Variants in PRKN observed in about 807,000 individuals in gnomAD.
The protein encoded by PRKN is parkin RBR E3 ubiquitin protein ligase.
In PRKN, 56 loss-of-function variants were observed where a neutral mutation model predicts 59.5. The ratio of observed to expected loss-of-function variants is 0.94; its 90% CI spans 0.76 to 1.18. The LOEUF (loss-of-function observed/expected upper bound fraction) is 1.18. Among genes scored for constraint, PRKN ranks in the 50% most tolerant of loss-of-function variants. The pLI, the probability that PRKN is intolerant of heterozygous loss-of-function variation, is 0.00. For synonymous variants in PRKN, 250 were observed against 222.1 expected, an observed-to-expected ratio of 1.13 and a Z score of -1.12; for missense variants, 657 against 596.4, an observed-to-expected ratio of 1.10 and a Z score of -1.06.
chr6:162,481,511 C>T (rs533648513), intron 1 of PRKN, among the ~76,000 whole-genome samples: 3 of 152,202 alleles, frequency 2.0e-5, no homozygotes, highest in African/African-American at 7.2e-5. Context: ...CAAGGGCAGG[C>T]AGATGCTATC....
intron 6 of PRKN, among the ~76,000 whole-genome samples, chr6:161,904,889 G>A (rs1025386871): frequency 6.6e-6 from 1 of 152,178 alleles, no homozygotes; most frequent in East Asian, 1.9e-4. Context: ...GGGGAGTCAG[G>A]ATAGGACTGC....
chr6:162,537,225 T>C (rs1778754904), intron 1 of PRKN, among the ~76,000 whole-genome samples: 1 of 152,118 alleles, frequency 6.6e-6, no homozygotes. Flanking sequence ...AGCTAATCAA[T>C]ACACGGAAAT....
intron 1 of PRKN, among the ~76,000 whole-genome samples, chr6:162,686,388 G>C (rs1371890504): frequency 3.9e-5 from 6 of 152,140 alleles, no homozygotes; most frequent in Non-Finnish European, 1.5e-5. Context: ...GAGGTGGGTG[G>C]TGTAACGGCT....
intron 4 of PRKN, among the ~76,000 whole-genome samples, chr6:162,067,879 T>C (rs1778403425): frequency 6.6e-6 from 1 of 152,256 alleles, no homozygotes; most frequent in African/African-American, 2.4e-5. Context: ...TATTTGTTGT[T>C]TTGTTCACTT....
intron 7 of PRKN, among the ~76,000 whole-genome samples, chr6:161,749,804 T>C (rs1788599310): frequency 6.6e-6 from 1 of 152,178 alleles, no homozygotes; most frequent in South Asian, 2.1e-4. Context: ...GTTGGAGCCA[T>C]AAATTCTCCT....
chr6:161,853,043 T>C (rs949953024), intron 6 of PRKN, among the ~76,000 whole-genome samples: 5 of 152,200 alleles, frequency 3.3e-5, no homozygotes, highest in Non-Finnish European at 7.3e-5. Flanking sequence ...CCTAAAACAA[T>C]ATATATTTGA....
rs1267313670 is a variant in PRKN, at chr6:161,348,981, C to G, written c.*1118G>C. ...AGTTTACTGTCCTAAGAGAAGGTCT[C>G]TCCTGGGGAACCCCTGGTATGCAGA... is the stretch of plus-strand genomic sequence containing the variant. On this transcript the variant is annotated 3_prime_UTR_variant, in exon 12 of 12. Coordinates refer to ENST00000366898, the MANE Select transcript of PRKN (RefSeq NM_004562.3). The surrounding 1 kb of genome is among the most constrained non-coding windows in gnomAD (Gnocchi z 4.9). 1 of 203,936 alleles carries G rather than the reference C, an allele frequency of 4.9e-6. No homozygotes were observed. Among genetic ancestry groups the G allele is most frequent in the East Asian group, 7.5e-5 (1 of 13,336 alleles). The allele number at this position is 203,936 out of a possible 1,614,324, so 12.6% of individuals were successfully genotyped here.
At chr6:162,270,136 A>G (rs1409039095) in intron 2 of PRKN, 1 of 152,334 alleles carries the variant, frequency 6.6e-6, no homozygotes, top group Admixed American at 6.5e-5. Context: ...TCCACCAATC[A>G]ATGAGTGGAT....
intron 1 of PRKN, among the ~76,000 whole-genome samples, chr6:162,540,968 T>C (rs1209554060): frequency 6.6e-6 from 1 of 152,194 alleles, no homozygotes; most frequent in Non-Finnish European, 1.5e-5. Context: ...GACATCTTAA[T>C]ACTTTTAAAT....
At position 161,463,806 on chromosome 6, in the gene PRKN, A is replaced by C. The variant is rs1318617933; in HGVS notation, c.1084-76929T>G. Among the ~76,000 whole-genome samples, 1 of 152,192 alleles carries C rather than the reference A, an allele frequency of 6.6e-6. No individual in the cohort carries two copies. Among genetic ancestry groups the C allele is most frequent in the Non-Finnish European group, 1.5e-5 (1 of 68,038 alleles). On this transcript the variant is annotated intron_variant, in intron 9 of 11. Transcript: ENST00000366898. This position sits in a 1 kb window ranked among gnomAD's most constrained non-coding sequence, Gnocchi z 4.8. ...TTTATCTAGTGATCACTTTTCCAAC[A>C]TTTCCATCCAAATTTTGGAAGCACC...
intron 6 of PRKN, among the ~76,000 whole-genome samples, chr6:161,900,930 T>A (rs866638275): frequency 1.6e-4 from 21 of 132,212 alleles, no homozygotes; most frequent in South Asian, 7.6e-4. Flanking sequence ...ATATATATAT[T>A]TTTTAGATGG....
chr6:162,347,605 AT>A (rs1339601673), intron 2 of PRKN, among the ~76,000 whole-genome samples: 1 of 152,106 alleles, frequency 6.6e-6, no homozygotes, highest in Non-Finnish European at 1.5e-5. Context: ...ACATTTATAA[AT>A]TTGTGTCAGA....
chr6:162,055,723 C>T (rs1360509808), intron 4 of PRKN, among the ~76,000 whole-genome samples: 5 of 152,154 alleles, frequency 3.3e-5, no homozygotes, highest in East Asian at 1.9e-4. Context: ...ATTTTACTAC[C>T]GACGACGTTT....
chr6:162,351,638 G>A (rs968910120), intron 2 of PRKN, among the ~76,000 whole-genome samples: 13 of 152,086 alleles, frequency 8.5e-5, no homozygotes, highest in East Asian at 3.9e-4. Context: ...ACATGTACTC[G>A]TCAAAACCTA....
At chr6:162,598,965 C>T (rs1781594240) in intron 1 of PRKN, among the ~76,000 whole-genome samples, 1 of 151,614 alleles carries the variant, frequency 6.6e-6, no homozygotes, top group Admixed American at 6.6e-5. Flanking sequence ...AATTACAGTA[C>T]GTTCAAGAAT....
intron 4 of PRKN, among the ~76,000 whole-genome samples, chr6:162,143,680 T>C (rs915570292): frequency 6.6e-5 from 10 of 152,332 alleles, no homozygotes; most frequent in African/African-American, 2.4e-4. Context: ...CAATAAAGCA[T>C]TGCACATATT....
At chr6:162,550,162 G>T (rs1417052681) in intron 1 of PRKN, among the ~76,000 whole-genome samples, 1 of 152,162 alleles carries the variant, frequency 6.6e-6, no homozygotes, top group Non-Finnish European at 1.5e-5. Flanking sequence ...AAGTAAGAAT[G>T]ATAATAATAA....
At chr6:162,278,751 C>G (rs2128105677) in intron 2 of PRKN, among the ~76,000 whole-genome samples, 1 of 152,166 alleles carries the variant, frequency 6.6e-6, no homozygotes, top group Middle Eastern at 3.4e-3. Context: ...GAAGATTGCC[C>G]TTTGCCTTTG....
At position 161,768,684 on chromosome 6, in the gene PRKN, A is replaced by G. The variant is rs146767459; in HGVS notation, c.871+17088T>C. ...TTCTTTTAGTGTAGCTCCCAATTCCATTAGAATACCGTGACCCCAATTTCA... is the reference window on the plus strand; with the variant it reads ...TTCTTTTAGTGTAGCTCCCAATTCCGTTAGAATACCGTGACCCCAATTTCA... On this transcript the variant is annotated intron_variant, in intron 7 of 11. Transcript: ENST00000366898. 3.0e-3 allele frequency among the ~76,000 whole-genome samples: 452 copies of G among 152,314 alleles called. 3 individuals are homozygous for G. Among genetic ancestry groups the G allele is most frequent in the African/African-American group, 0.01 (422 of 41,566 alleles).
Sources: allele counts gnomAD v4.1 joint callset (sites outside exome capture counted in the v4.1 genomes callset), GRCh38; gene constraint gnomAD v4.1.1; non-coding constraint Gnocchi (gnomAD v3.1); transcripts MANE v1.5; gene names NCBI Gene and HGNC (gene_info 2026-07-23, HGNC 2026-07-21).